PLA2G5: variants seen among roughly 807,000 people sequenced by gnomAD.
PLA2G5 encodes the protein Ca2+-dependent phospholipase A2.
A neutral mutation model predicts 15.9 loss-of-function variants in PLA2G5; 12 were observed. The ratio of observed to expected loss-of-function variants is 0.76; its 90% CI spans 0.48 to 1.23. PLA2G5 has a LOEUF of 1.23. Among genes scored for constraint, PLA2G5 ranks in the 50% most tolerant of loss-of-function variants. PLA2G5 has a pLI of 0.00. For missense variants in PLA2G5, 169 were observed against 177.1 expected (o/e 0.95, Z 0.26); for synonymous variants, 71 against 71.4 (o/e 0.99, Z 0.03).
rs936335026 is a variant in PLA2G5, at chr1:20,070,379, C to T, written c.-97C>T. 21 of 985,324 alleles carry T rather than the reference C, an allele frequency of 2.1e-5. No individual in the cohort carries two copies. The highest frequency in any genetic ancestry group is 2.5e-5 in the Non-Finnish European group (21 of 829,948). 61.0% of individuals were successfully genotyped at this position (985,324 alleles called of 1,614,324 possible). The stretch of plus-strand genomic sequence containing the variant: ...ATGTTCCGACTGGAGACGGGGAGCC[C>T]GCGAGACCCGGGTCTCCAGGGTCTG... On this transcript the variant is annotated 5_prime_UTR_variant, in exon 1 of 5. Transcript: ENST00000375108.
At chr1:20,030,296 A>C (rs1298641418) in intron 1 of PLA2G5, among the ~76,000 whole-genome samples, 1 of 152,054 alleles carries the variant, frequency 6.6e-6, no homozygotes, top group African/African-American at 2.4e-5. Flanking sequence ...ACATGTGAGC[A>C]AAGGTCTCTG....
intron 4 of PLA2G5, 71 bp from the exon 5 acceptor site, chr1:20,090,497 T>A: frequency 6.5e-7 from 1 of 1,537,756 alleles, no homozygotes; most frequent in Non-Finnish European, 9.0e-7. Context: ...GAGCAGGAAG[T>A]CCATGGGGTC....
chr1:20,089,103 G>A (rs145237439), intron 3 of PLA2G5, among the ~76,000 whole-genome samples: 1 of 152,276 alleles, frequency 6.6e-6, no homozygotes, highest in East Asian at 1.9e-4. Flanking sequence ...GCCCAGCTGC[G>A]ATCACATACT....
At position 20,044,580 on chromosome 1, in the gene PLA2G5, G is replaced by T. The variant is rs190053619; in HGVS notation, n.277-15052G>T. Among the ~76,000 whole-genome samples the T allele has an allele frequency of 1.4e-4, 21 of 152,236 alleles. No homozygotes were observed. In the East Asian group the frequency reaches 1.7e-3, roughly 13 times the overall value. ...AAAGAGCCTAAATGCTAACTGATTT[G>T]GGAGAGGTTGGATAAAGAAAAAGGA... On this transcript the variant is annotated intron_variant and non_coding_transcript_variant, in intron 1 of 6. Transcript: ENST00000460175.
chr1:20,037,151 T>G (rs757220891), intron 1 of PLA2G5, among the ~76,000 whole-genome samples: 1 of 152,214 alleles, frequency 6.6e-6, no homozygotes, highest in Non-Finnish European at 1.5e-5. Context: ...TTACCAGAAT[T>G]GATTTTCTCG....
At chr1:20,090,079 G>T (rs571355122) in intron 4 of PLA2G5, among the ~76,000 whole-genome samples, 184 bp downstream of exon 4, 9 of 152,170 alleles carry the variant, frequency 5.9e-5, no homozygotes, top group Non-Finnish European at 1.3e-4. Context: ...CATCCACTGG[G>T]TGCAAAAGTG....
At chr1:20,044,287 G>A (rs1166416851) in intron 1 of PLA2G5, among the ~76,000 whole-genome samples, 1 of 152,154 alleles carries the variant, frequency 6.6e-6, no homozygotes, top group Non-Finnish European at 1.5e-5. Flanking sequence ...GCAAGTAATT[G>A]TAACTCAGAA....
chr1:20,063,735 A>T (rs1030706606), intron 2 of PLA2G5: 2 of 152,236 alleles, frequency 1.3e-5, no homozygotes, highest in Non-Finnish European at 2.9e-5. Context: ...ACACAGATGG[A>T]GCTCAATCAT....
At chr1:20,071,628 T>C (rs1458470234) in intron 1 of PLA2G5, among the ~76,000 whole-genome samples, 1 of 152,128 alleles carries the variant, frequency 6.6e-6, no homozygotes, top group Non-Finnish European at 1.5e-5. Flanking sequence ...CAAGACATTT[T>C]GGCAAAGGTA....
chr1:20,048,358 C>T (rs1225016175), intron 1 of PLA2G5, among the ~76,000 whole-genome samples: 2 of 151,966 alleles, frequency 1.3e-5, no homozygotes, highest in East Asian at 3.9e-4. Context: ...TATACATATC[C>T]CTACCAAATA....
chr1:20,045,998 C>T (rs925319144), intron 1 of PLA2G5: 1 of 152,006 alleles, frequency 6.6e-6, no homozygotes. Context: ...ACAAGGAAAG[C>T]AAGATTTCCT....
intron 1 of PLA2G5, among the ~76,000 whole-genome samples, chr1:20,074,258 C>T (rs569167671): frequency 1.3e-5 from 2 of 152,224 alleles, no homozygotes; most frequent in South Asian, 2.1e-4. Context: ...ATCCTGGAGC[C>T]CATCCACTTC....
intron 1 of PLA2G5, 52 bp downstream of exon 1, chr1:20,070,517 C>A: frequency 1.0e-6 from 1 of 972,486 alleles, no homozygotes; most frequent in South Asian, 4.8e-5. Flanking sequence ...GGGACGCCAG[C>A]TGGGAGGGAG....
At chr1:20,076,103 C>T (rs1009171577) in intron 1 of PLA2G5, among the ~76,000 whole-genome samples, 2 of 152,114 alleles carry the variant, frequency 1.3e-5, no homozygotes, top group African/African-American at 2.4e-5. Context: ...GAACTCCTGA[C>T]CTCAATTCGG....
intron 1 of PLA2G5, among the ~76,000 whole-genome samples, chr1:20,083,665 G>T (rs2016142514): frequency 6.6e-6 from 1 of 151,840 alleles, no homozygotes. Context: ...CAAGGGCTCT[G>T]GCCTGAGAGG....
At chr1:20,067,292 A>C (rs1341909201), upstream of PLA2G5, among the ~76,000 whole-genome samples, 8 of 152,138 alleles carry the variant, frequency 5.3e-5, no homozygotes, top group Non-Finnish European at 8.8e-5. Context: ...GAGCCATCTC[A>C]TCCAGCAAGA....
chr1:20,033,535 G>A (rs919398582), intron 1 of PLA2G5, among the ~76,000 whole-genome samples: 3 of 152,192 alleles, frequency 2.0e-5, no homozygotes, highest in African/African-American at 7.2e-5. Flanking sequence ...GTGTTGGTTA[G>A]AGAGTGAGTT....
intron 1 of PLA2G5, among the ~76,000 whole-genome samples, chr1:20,080,179 C>T (rs1031390536): frequency 6.6e-6 from 1 of 152,062 alleles, no homozygotes; most frequent in African/African-American, 2.4e-5. Context: ...GGAGGCTGTG[C>T]CCTGGAGGGG....
chr1:20,033,419 T>C (rs188307168), intron 1 of PLA2G5, among the ~76,000 whole-genome samples: 3 of 152,298 alleles, frequency 2.0e-5, no homozygotes, highest in Non-Finnish European at 4.4e-5. Flanking sequence ...ACTAGAGGGT[T>C]ACCTATGAAT....
Sources: allele counts gnomAD v4.1 joint callset (sites outside exome capture counted in the v4.1 genomes callset), GRCh38; gene constraint gnomAD v4.1.1; transcripts MANE v1.5; gene names NCBI Gene and HGNC (gene_info 2026-07-23, HGNC 2026-07-21).